DPP10: variants seen among roughly 807,000 people sequenced by gnomAD.
DPP10 encodes inactive dipeptidyl peptidase 10.
A neutral mutation model predicts 120.9 loss-of-function variants in DPP10; 33 were observed. The ratio of observed to expected loss-of-function variants is 0.27; its 90% CI spans 0.21 to 0.37. DPP10 has a LOEUF of 0.37. Ranked by LOEUF, DPP10 falls within the 10% of genes least tolerant of loss-of-function variation. DPP10 has a pLI of 1.00. For synonymous variants in DPP10, 337 were observed against 326.1 expected (o/e 1.03, Z -0.36); for missense variants, 816 against 942.8 (o/e 0.87, Z 1.76).
chr2:115,239,859 T>A (rs550893553), intron 1 of DPP10, among the ~76,000 whole-genome samples: 1 of 152,300 alleles, frequency 6.6e-6, no homozygotes, highest in East Asian at 1.9e-4. Context: ...AGTGTTTGAT[T>A]TTCTGTTCCC....
chr2:115,086,594 C>G (rs551327405), intron 1 of DPP10, among the ~76,000 whole-genome samples: 226 of 151,908 alleles, frequency 1.5e-3, no homozygotes, highest in African/African-American at 5.0e-3. Flanking sequence ...GTAGCTGGGA[C>G]TACAGGCGCC....
chr2:115,313,416 C>A (rs1004488963), intron 2 of DPP10, among the ~76,000 whole-genome samples: 3 of 152,084 alleles, frequency 2.0e-5, no homozygotes, highest in East Asian at 3.9e-4. Context: ...ATAACAGCTA[C>A]CAATGATAAT....
intron 5 of DPP10, among the ~76,000 whole-genome samples, chr2:115,682,992 C>T (rs1013383445): frequency 6.6e-6 from 1 of 151,648 alleles, no homozygotes; most frequent in Admixed American, 6.6e-5. Context: ...GTGTGGGGAC[C>T]GCATCATGCT....
chr2:115,783,078 CCTT>C (rs1477178097), intron 17 of DPP10, among the ~76,000 whole-genome samples: 2 of 152,022 alleles, frequency 1.3e-5, no homozygotes, highest in Non-Finnish European at 2.9e-5. Flanking sequence ...ATGTTTGTAT[CCTT>C]CTTTCATTTT....
At chr2:115,389,552 C>G (rs2067187402) in intron 3 of DPP10, among the ~76,000 whole-genome samples, 1 of 152,072 alleles carries the variant, frequency 6.6e-6, no homozygotes, top group South Asian at 2.1e-4. Context: ...ATGTAATGAA[C>G]TAAATAATAA....
intron 10 of DPP10, among the ~76,000 whole-genome samples, chr2:115,751,086 A>G (rs1369864228): frequency 6.6e-6 from 1 of 152,136 alleles, no homozygotes; most frequent in African/African-American, 2.4e-5. Context: ...TTGATTTTGC[A>G]GTCTTTGGTT....
intron 1 of DPP10, among the ~76,000 whole-genome samples, chr2:115,136,338 T>C (rs1277983495): frequency 6.6e-6 from 1 of 152,126 alleles, no homozygotes; most frequent in African/African-American, 2.4e-5. Flanking sequence ...GTCCCAGTGT[T>C]TCTGTGATGA....
In DPP10 at chr2:115,402,641, T is replaced by TAA. The variant is rs745962407; in HGVS notation, c.271+58742_271+58743dup. On this transcript the variant is annotated intron_variant, in intron 3 of 25. Transcript: ENST00000410059. The stretch of plus-strand genomic sequence containing the variant: ...AATGAACACAGAGACTGAATCAGTT[T>TAA]AAAAAAAAAAAAAAGTCTTCCACTG... 6.2e-3 allele frequency among the ~76,000 whole-genome samples: 853 copies of TAA among 136,932 alleles called. 6 individuals carry two copies. Among genetic ancestry groups the TAA allele is most frequent in the Middle Eastern group, 0.022 (6 of 278 alleles). 89.8% of individuals were successfully genotyped at this position (136,932 alleles called of 152,430 possible).
intron 1 of DPP10, among the ~76,000 whole-genome samples, chr2:115,238,581 A>G (rs541604645): frequency 6.6e-6 from 1 of 152,298 alleles, no homozygotes; most frequent in African/African-American, 2.4e-5. Flanking sequence ...GAGGTGGTGG[A>G]AATAAAAAGA....
intron 25 of DPP10, 106 bp downstream of exon 25, chr2:115,840,929 AAT>A: frequency 1.2e-5 from 11 of 907,952 alleles, no homozygotes; most frequent in South Asian, 3.9e-5. Context: ...ATTATTTTTT[AAT>A]ATGTTTTTTA....
At chr2:115,627,619 C>A (rs1243984185) in intron 5 of DPP10, among the ~76,000 whole-genome samples, 2 of 152,144 alleles carry the variant, frequency 1.3e-5, no homozygotes, top group African/African-American at 2.4e-5. Flanking sequence ...CTGCACCTAT[C>A]AACCTATCAC....
At chr2:115,445,445 A>G (rs536760008) in intron 3 of DPP10, among the ~76,000 whole-genome samples, 1 of 152,196 alleles carries the variant, frequency 6.6e-6, no homozygotes, top group Non-Finnish European at 1.5e-5. Flanking sequence ...CAAAATGGTG[A>G]TAGTGATGTG....
At chr2:114,834,560 C>T (rs957706298) in intron 1 of DPP10, among the ~76,000 whole-genome samples, 7 of 145,730 alleles carry the variant, frequency 4.8e-5, no homozygotes, top group Non-Finnish European at 7.7e-5. Context: ...CATATCTACG[C>T]ACCTATGTAT....
chr2:115,632,812 C>T (rs2085991973), intron 5 of DPP10, among the ~76,000 whole-genome samples: 1 of 152,014 alleles, frequency 6.6e-6, no homozygotes, highest in Admixed American at 6.6e-5. Context: ...TTTATGCAGC[C>T]AAAAGACACA....
chr2:115,724,716 A>G (rs988718634), intron 7 of DPP10, among the ~76,000 whole-genome samples: 1 of 152,188 alleles, frequency 6.6e-6, no homozygotes, highest in African/African-American at 2.4e-5. Context: ...GAAACACCTG[A>G]GACTGGGTAA....
At chr2:115,129,333 T>C (rs1230698742) in intron 1 of DPP10, among the ~76,000 whole-genome samples, 1 of 152,168 alleles carries the variant, frequency 6.6e-6, no homozygotes, top group Non-Finnish European at 1.5e-5. Context: ...AAGTTGAAAA[T>C]CCTTCATGAG....
In DPP10 at chr2:114,808,101, A is replaced by G. The variant is rs368849118; in HGVS notation, c.60+365263A>G. Among the ~76,000 whole-genome samples, 106 of 152,284 alleles carry G rather than the reference A, an allele frequency of 7.0e-4. 1 individual carries two copies. The South Asian group carries it at 0.022, about 31-fold the overall frequency. On this transcript the variant is annotated intron_variant, in intron 1 of 25. Coordinates refer to ENST00000410059, the MANE Select transcript of DPP10 (RefSeq NM_020868.6). ...GAAACACATACCCTTTTATGAACAC[A>G]CGTCCTTTTATGAATGAGGACACAT...
At chr2:114,717,693 C>G (rs996837150) in intron 1 of DPP10, among the ~76,000 whole-genome samples, 1 of 152,062 alleles carries the variant, frequency 6.6e-6, no homozygotes, top group Non-Finnish European at 1.5e-5. Flanking sequence ...TAAAGAAACA[C>G]CCAGTACCTC....
chr2:115,518,609 A>G (rs895973913), intron 4 of DPP10, among the ~76,000 whole-genome samples: 1 of 152,108 alleles, frequency 6.6e-6, no homozygotes, highest in Non-Finnish European at 1.5e-5. Context: ...AAATAAAATC[A>G]TATTACTAAT....
Sources: gnomAD v4.1 joint callset for allele counts (sites outside exome capture counted in the v4.1 genomes callset) on GRCh38, gnomAD v4.1.1 for gene constraint, MANE v1.5 for transcripts, NCBI Gene and HGNC (gene_info 2026-07-23, HGNC 2026-07-21) for gene names.